Variants in CENPC observed in about 807,000 individuals in gnomAD.
The protein encoded by CENPC is centromere protein C, also known as CENP-C 1.
Under a neutral mutation model 112.1 loss-of-function variants are expected in CENPC, and 63 were observed. The observed-to-expected ratio is 0.56, with a 90% CI of 0.46 to 0.69. CENPC has a LOEUF of 0.69. CENPC is among the 30% of genes least tolerant of loss of function. CENPC has a pLI of 0.00. For synonymous variants in CENPC, 333 were observed against 367.6 expected, an observed-to-expected ratio of 0.91 and a Z score of 1.08; for missense variants, 1,000 against 1,103.8, an observed-to-expected ratio of 0.91 and a Z score of 1.33.
intron 5 of CENPC, among the ~76,000 whole-genome samples, chr4:67,524,689 CAA>C (rs1726323287): frequency 6.6e-6 from 1 of 152,014 alleles, no homozygotes; most frequent in Admixed American, 6.6e-5. Flanking sequence ...AGAGAGGACA[CAA>C]AGAGAAAAAA....
chr4:67,528,197 T>A (rs1726440950), intron 5 of CENPC, among the ~76,000 whole-genome samples: 1 of 152,182 alleles, frequency 6.6e-6, no homozygotes, highest in Admixed American at 6.5e-5. Flanking sequence ...TTTAAAAAAA[T>A]GTTCAGAATA....
intron 4 of CENPC, among the ~76,000 whole-genome samples, chr4:67,533,018 T>C (rs1726603557): frequency 6.6e-6 from 1 of 152,212 alleles, no homozygotes; most frequent in Non-Finnish European, 1.5e-5. Flanking sequence ...CTGTCACAAG[T>C]GGTAGCAGAA....
intron 10 of CENPC, among the ~76,000 whole-genome samples, chr4:67,508,338 C>A (rs1725792308): frequency 6.6e-6 from 1 of 151,668 alleles, no homozygotes; most frequent in Non-Finnish European, 1.5e-5. Context: ...CAAAGCAAGA[C>A]CTCATTTCTC....
chr4:67,491,474 TATATATAGAGAGAGAGAG>T (rs1181437787), intron 16 of CENPC, among the ~76,000 whole-genome samples: 9 of 32,756 alleles, frequency 2.7e-4, no homozygotes, highest in African/African-American at 6.4e-4. Flanking sequence ...TATATATATA[TATATATAGAGAGAGAGAG>T]AGAGAGAGAG....
rs1440208176 is a variant in CENPC, at chr4:67,472,569, A to G, written c.*36T>C. On this transcript the variant is annotated 3_prime_UTR_variant, in exon 19 of 19. Coordinates refer to ENST00000273853, the MANE Select transcript of CENPC (RefSeq NM_001812.4). Reference sequence around the variant, plus strand: ...TATACAAACTGTTTTTCACATATACATATATACATACATATATTTAAGGTT... The same window carrying G: ...TATACAAACTGTTTTTCACATATACGTATATACATACATATATTTAAGGTT... 7.0e-7 allele frequency: 1 copy of G among 1,425,978 alleles called. No homozygotes were observed. Among genetic ancestry groups the G allele is most frequent in the African/African-American group, 1.5e-5 (1 of 68,332 alleles). 88.3% of individuals were successfully genotyped at this position (1,425,978 alleles called of 1,614,324 possible).
chr4:67,482,745 G>A (rs1054898506), intron 17 of CENPC, among the ~76,000 whole-genome samples: 22 of 152,330 alleles, frequency 1.4e-4, no homozygotes, highest in African/African-American at 4.8e-4. Flanking sequence ...AGGACTCAGG[G>A]GGAAGGGTGG....
At chr4:67,478,617 C>T (rs1724869613) in intron 17 of CENPC, among the ~76,000 whole-genome samples, 1 of 140,792 alleles carries the variant, frequency 7.1e-6, no homozygotes, top group Non-Finnish European at 1.5e-5. Context: ...ATAAATCTCC[C>T]AGGGTCTATA....
chr4:67,494,914 G>A (rs189040329), intron 13 of CENPC, among the ~76,000 whole-genome samples: 2 of 152,278 alleles, frequency 1.3e-5, no homozygotes, highest in East Asian at 3.9e-4. Flanking sequence ...GGAGGATCAT[G>A]CCCCCTACTA....
intron 17 of CENPC, among the ~76,000 whole-genome samples, chr4:67,486,343 C>A (rs1307147383): frequency 6.6e-6 from 1 of 152,144 alleles, no homozygotes; most frequent in Non-Finnish European, 1.5e-5. Context: ...ACTGAAAGAT[C>A]AAGTGCTTCT....
intron 4 of CENPC, among the ~76,000 whole-genome samples, chr4:67,532,587 G>C (rs1726587683): frequency 6.6e-6 from 1 of 152,204 alleles, no homozygotes; most frequent in Admixed American, 6.5e-5. Context: ...ATGAGTTCAT[G>C]TCCTTTATAG....
chr4:67,544,514 ACT>A (rs1218000836), intron 1 of CENPC, among the ~76,000 whole-genome samples: 1 of 152,054 alleles, frequency 6.6e-6, no homozygotes, highest in East Asian at 1.9e-4. Flanking sequence ...CTTTCATACA[ACT>A]CTTTATGTTT....
At chr4:67,482,922 C>T (rs1724992625) in intron 17 of CENPC, among the ~76,000 whole-genome samples, 1 of 150,792 alleles carries the variant, frequency 6.6e-6, no homozygotes, top group African/African-American at 2.4e-5. Context: ...GCCATAATCC[C>T]CACATGTCAT....
intron 17 of CENPC, among the ~76,000 whole-genome samples, chr4:67,475,604 T>G (rs533452322): frequency 7.9e-5 from 12 of 152,282 alleles, no homozygotes; most frequent in African/African-American, 2.6e-4. Flanking sequence ...AAGAGTATTG[T>G]TTCTTGTTTT....
At chr4:67,525,031 C>T (rs1361397092) in intron 5 of CENPC, among the ~76,000 whole-genome samples, 1 of 152,150 alleles carries the variant, frequency 6.6e-6, no homozygotes, top group African/African-American at 2.4e-5. Flanking sequence ...CACACATCTA[C>T]AACCGTTTGC....
At chr4:67,531,017 C>A in intron 4 of CENPC, 103 bp from the exon 5 acceptor site, 1 of 535,718 alleles carries the variant, frequency 1.9e-6, no homozygotes, top group South Asian at 2.8e-5. Context: ...TATTCTAAAA[C>A]AACAAACCAG....
At position 67,505,418 on chromosome 4, in the gene CENPC, A is replaced by G. The variant is rs1725706699; in HGVS notation, c.2052-134T>C. On this transcript the variant is annotated intron_variant, in intron 11 of 18. Coordinates refer to ENST00000273853, the MANE Select transcript of CENPC (RefSeq NM_001812.4). ...AAAACCAATAGTGATGTTACAAGTC[A>G]TCAAAAATATATAGTCATCCCTCAG... The G allele has an allele frequency of 3.1e-5, 19 of 621,014 alleles. No individual in the cohort carries two copies. In the South Asian group the frequency reaches 4.1e-4, roughly 13 times the overall value. The allele number at this position is 621,014 out of a possible 1,614,324, so 38.5% of individuals were successfully genotyped here.
intron 5 of CENPC, among the ~76,000 whole-genome samples, chr4:67,530,276 A>G (rs1726507342): frequency 5.3e-5 from 8 of 152,208 alleles, no homozygotes; most frequent in Admixed American, 5.2e-4. Flanking sequence ...AGTAAAAAGG[A>G]GATTGCTTAA....
At chr4:67,544,086 C>G in intron 2 of CENPC, 63 bp downstream of exon 2, 5 of 845,978 alleles carry the variant, frequency 5.9e-6, no homozygotes, top group Non-Finnish European at 9.8e-6. Context: ...TTCCTTTCTT[C>G]ATTTAAAAAT....
intron 5 of CENPC, among the ~76,000 whole-genome samples, chr4:67,525,527 T>G (rs1726350400): frequency 6.6e-6 from 1 of 152,066 alleles, no homozygotes; most frequent in African/African-American, 2.4e-5. Flanking sequence ...CAGACACTTC[T>G]CAGAAGAAGA....
Sources: allele counts gnomAD v4.1 joint callset (sites outside exome capture counted in the v4.1 genomes callset), GRCh38; gene constraint gnomAD v4.1.1; transcripts MANE v1.5; gene names NCBI Gene and HGNC (gene_info 2026-07-23, HGNC 2026-07-21).